UGGT2: variants seen among roughly 807,000 people sequenced by gnomAD.
The protein encoded by UGGT2 is UDP-glucose glycoprotein glucosyltransferase 2.
UGGT2 carries 180 observed loss-of-function variants against 192.1 expected under a neutral mutation model. The ratio of observed to expected loss-of-function variants is 0.94; its 90% CI spans 0.83 to 1.06. The LOEUF (loss-of-function observed/expected upper bound fraction) is 1.06. UGGT2 is among the 50% of genes least tolerant of loss of function. UGGT2 has a pLI of 0.00. For missense variants in UGGT2, 1,849 were observed against 1,795.7 expected, an observed-to-expected ratio of 1.03 and a Z score of -0.54; for synonymous variants, 580 against 591.0, an observed-to-expected ratio of 0.98 and a Z score of 0.27.
chr13:95,813,907 C>T (rs1884692094), intron 38 of UGGT2, among the ~76,000 whole-genome samples: 1 of 152,208 alleles, frequency 6.6e-6, no homozygotes, highest in Non-Finnish European at 1.5e-5. Flanking sequence ...CCAGATATAG[C>T]TCAGACTGCT....
rs530143738 is a variant in UGGT2 at position 95,973,563 on chromosome 13, ACTGT to A, written c.1093-896_1093-893del. Among the ~76,000 whole-genome samples, 31 of 152,318 alleles carry A rather than the reference ACTGT, an allele frequency of 2.0e-4. 1 individual carries two copies. In the South Asian group the frequency reaches 6.2e-3, roughly 31 times the overall value. ...CCATTAAAGCTATATTTGATTTTTC[ACTGT>A]CTTTCATTCAGTAAACATTTCCTGA... is the stretch of plus-strand genomic sequence containing the variant. On this transcript the variant is annotated intron_variant, in intron 10 of 38. Coordinates refer to ENST00000376747, the MANE Select transcript of UGGT2 (RefSeq NM_020121.4).
chr13:95,847,836 A>G (rs1248006815), intron 36 of UGGT2, among the ~76,000 whole-genome samples: 1 of 152,248 alleles, frequency 6.6e-6, no homozygotes, highest in Non-Finnish European at 1.5e-5. Flanking sequence ...TACAATGGCT[A>G]AATTGTATGG....
intron 12 of UGGT2, among the ~76,000 whole-genome samples, chr13:95,960,621 C>T (rs1016215056): frequency 6.6e-6 from 1 of 152,076 alleles, no homozygotes; most frequent in Non-Finnish European, 1.5e-5. Flanking sequence ...ATTAGAAAAC[C>T]TATTTAATGA....
chr13:95,987,647 CT>C lies in UGGT2; in HGVS notation c.932-1216del, dbSNP rs376268491. ...AGCTCTATTAGAACTTAGACAAGAG[CT>C]TCACAAACCATGCTAAGGGGTTTAA... On this transcript the variant is annotated intron_variant, in intron 8 of 38. Coordinates refer to ENST00000376747, the MANE Select transcript of UGGT2 (RefSeq NM_020121.4). 3.5e-3 allele frequency among the ~76,000 whole-genome samples: 526 copies of C among 152,180 alleles called. 3 individuals are homozygous for C. The highest frequency in any genetic ancestry group is 0.012 in the African/African-American group (499 of 41,526).
At chr13:95,916,920 G>C (rs1297087797) in intron 20 of UGGT2, among the ~76,000 whole-genome samples, 1 of 151,512 alleles carries the variant, frequency 6.6e-6, no homozygotes, top group Non-Finnish European at 1.5e-5. Flanking sequence ...AGCTGTGACT[G>C]ATGGGGTACC....
At position 95,977,344 on chromosome 13, in the gene UGGT2, C is replaced by T. The variant is rs375722247; in HGVS notation, c.1093-4673G>A. 9.3e-5 allele frequency among the ~76,000 whole-genome samples: 14 copies of T among 150,692 alleles called. No individual in the cohort carries two copies. The East Asian group carries it at 2.3e-3, about 24-fold the overall frequency. On this transcript the variant is annotated intron_variant, in intron 10 of 38. Coordinates refer to ENST00000376747, the MANE Select transcript of UGGT2 (RefSeq NM_020121.4). ...ATCCAGAATCTACAAGGAACTTAAACAAATTTACAAGAAAAAACAAACAAC... is the reference window on the plus strand; with the variant it reads ...ATCCAGAATCTACAAGGAACTTAAATAAATTTACAAGAAAAAACAAACAAC...
intron 30 of UGGT2, among the ~76,000 whole-genome samples, chr13:95,865,840 C>G (rs993147553): frequency 6.6e-6 from 1 of 152,076 alleles, no homozygotes; most frequent in African/African-American, 2.4e-5. Flanking sequence ...TTTATTTATC[C>G]AACAAATACT....
chr13:95,995,761 T>C, intron 7 of UGGT2: 1 of 358,570 alleles, frequency 2.8e-6, no homozygotes, highest in Non-Finnish European at 5.1e-6. Context: ...TGTATGCATT[T>C]ATTTGATGCT....
rs184577067 is a variant in UGGT2 at position 95,825,160 on chromosome 13, G to A, written c.4528+7767C>T. Among the ~76,000 whole-genome samples, 4 of 152,236 alleles carry A rather than the reference G, an allele frequency of 2.6e-5. No homozygotes were observed. In the East Asian group the frequency reaches 7.7e-4, roughly 29 times the overall value. Reference sequence around the variant, plus strand: ...ATTGTAATGGCAGAGGTCTCTTGAAGCTTACCTCATTCCCCTGTGGTGTGC... The same window carrying A: ...ATTGTAATGGCAGAGGTCTCTTGAAACTTACCTCATTCCCCTGTGGTGTGC... On this transcript the variant is annotated intron_variant, in intron 38 of 38. Transcript: ENST00000376747.
chr13:95,925,612 G>A (rs1031955453), intron 20 of UGGT2, 68 bp downstream of exon 20: 15 of 1,055,908 alleles, frequency 1.4e-5, no homozygotes, highest in Non-Finnish European at 1.8e-5. Context: ...TTTAATGTAT[G>A]TTCTTCATAT....
intron 5 of UGGT2, among the ~76,000 whole-genome samples, chr13:96,001,527 T>C (rs1223208023): frequency 6.6e-6 from 1 of 152,108 alleles, no homozygotes; most frequent in Admixed American, 6.5e-5. Flanking sequence ...TGTTTGGTGG[T>C]CTCTTCACAC....
Position 95,877,839 on chromosome 13 carries a change from TG to T in UGGT2, c.3245del (p.Thr1082LysfsTer6), listed in dbSNP as rs769562538. ...GTAAGTATTCTAGTTCATATTCTGC[TG>T]TAACAGTTTTCTCAGTCTGTGGAGG... ...IHLKDTEKTV[T>X]AEYELEYLLL... On this transcript the variant is annotated frameshift_variant, in exon 28 of 39. Coordinates refer to ENST00000376747, the MANE Select transcript of UGGT2 (RefSeq NM_020121.4). LOFTEE classifies it high-confidence loss of function. The T allele has an allele frequency of 7.4e-6, 12 of 1,613,318 alleles. No homozygotes were observed. Among genetic ancestry groups the T allele is most frequent in the South Asian group, 1.1e-5 (1 of 90,926 alleles).
In UGGT2 at chr13:95,884,543, A is replaced by C; in HGVS notation, c.3176T>G (p.Leu1059Trp). 6.2e-7 allele frequency: 1 copy of C among 1,613,968 alleles called. No homozygotes were observed. The highest frequency in any genetic ancestry group is 2.2e-5 in the East Asian group (1 of 44,846). The change falls in exon 27 of 39, where the codon TTG becomes TGG. Residue 1059 changes from leucine (L) to tryptophan (W), a missense_variant. By Grantham distance (61) the Leu-to-Trp change is moderately conservative. Coordinates refer to ENST00000376747, the MANE Select transcript of UGGT2 (RefSeq NM_020121.4). The part of the protein sequence containing the change: ...ILNMITPEGW[L>W]VETVHSNCDL... Reference sequence around the variant, plus strand: ...ACAGTTGCTGTGCACTGTTTCAACCAACCAGCCTTCTGGAGTAATCATGTT... The same window carrying C: ...ACAGTTGCTGTGCACTGTTTCAACCCACCAGCCTTCTGGAGTAATCATGTT...
rs1889962962 is a variant in UGGT2 at position 95,859,608 on chromosome 13, GAT to G, written c.3806_3807del (p.Tyr1269SerfsTer6). Reference protein sequence around the residue: ...TPVKFWLLKNYLSPTFKEVIP... With the variant: ...TPVKFWLLKNXLSPTFKEVIP... The stretch of plus-strand genomic sequence containing the variant: ...GTACTTACTTTAAATGTCGGTGAGA[GAT>G]AATTTTTTAGCAACCAGAATTTCAC... On this transcript the variant is annotated frameshift_variant, in exon 33 of 39. Transcript: ENST00000376747. LOFTEE classifies it high-confidence loss of function. 2.5e-6 allele frequency: 4 copies of G among 1,609,804 alleles called. No individual in the cohort carries two copies. The Admixed American group carries it at 5.0e-5, about 20-fold the overall frequency.
chr13:95,860,838 G>T lies in UGGT2; in HGVS notation c.3690C>A (p.Val1230=). 1 of 1,566,996 alleles carries T rather than the reference G, an allele frequency of 6.4e-7. No individual in the cohort carries two copies. The highest frequency in any genetic ancestry group is 2.3e-5 in the East Asian group (1 of 43,036). Residue 1230 remains valine, a synonymous_variant, in exon 32 of 39, where the codon GTC becomes GTA. Transcript: ENST00000376747. ...LHKENKKEKD[V]LNIFSVASGH... ...CAGAAGCAACTGAAAAAATGTTTAG[G>T]ACATCTTTTTCCTTTTTGTTTTCTT...
At chr13:95,827,766 A>C (rs1205075986) in intron 38 of UGGT2, among the ~76,000 whole-genome samples, 1 of 152,146 alleles carries the variant, frequency 6.6e-6, no homozygotes, top group Non-Finnish European at 1.5e-5. Flanking sequence ...TGTAACTGAA[A>C]GTTACTTAGC....
chr13:95,963,942 C>T (rs888262792), intron 12 of UGGT2, among the ~76,000 whole-genome samples: 1 of 151,930 alleles, frequency 6.6e-6, no homozygotes, highest in African/African-American at 2.4e-5. Context: ...TCTATAGATT[C>T]AATGCAATCT....
intron 27 of UGGT2, among the ~76,000 whole-genome samples, chr13:95,878,089 T>A (rs1011928248): frequency 6.6e-6 from 1 of 151,882 alleles, no homozygotes; most frequent in Non-Finnish European, 1.5e-5. Context: ...CCTCATGGTA[T>A]ATGCACCAAT....
intron 38 of UGGT2, among the ~76,000 whole-genome samples, chr13:95,809,059 G>A (rs1403056847): frequency 2.6e-5 from 4 of 152,084 alleles, no homozygotes; most frequent in Non-Finnish European, 5.9e-5. Context: ...GATAGTCAAA[G>A]CCTCCTATAA....
Sources: gnomAD v4.1 joint callset for allele counts (sites outside exome capture counted in the v4.1 genomes callset) on GRCh38, gnomAD v4.1.1 for gene constraint, MANE v1.5 for transcripts, NCBI Gene and HGNC (gene_info 2026-07-23, HGNC 2026-07-21) for gene names.